Variants in CBL observed in about 807,000 individuals in gnomAD.
CBL encodes the protein Cbl proto-oncogene.
Under a neutral mutation model 96.9 loss-of-function variants are expected in CBL, and 45 were observed. That is an observed-to-expected ratio of 0.46 (90% confidence interval 0.37 to 0.60). The LOEUF (loss-of-function observed/expected upper bound fraction) is 0.60. CBL is among the 20% of genes least tolerant of loss of function. CBL has a pLI of 0.00. For synonymous variants in CBL, 420 were observed against 426.8 expected (o/e 0.98, Z 0.20); for missense variants, 1,024 against 1,143.5 (o/e 0.90, Z 1.51).
In CBL at chr11:119,278,490, A is replaced by G. The variant is rs1438346127; in HGVS notation, c.1228-20A>G. ...AGTATTTTCAGATGCATCTGTTACT[A>G]TCTTTTGCTTCTTCTGCAGGAATCA... On this transcript the variant is annotated intron_variant, in intron 8 of 15. Coordinates refer to ENST00000264033, the MANE Select transcript of CBL (RefSeq NM_005188.4). 8.7e-6 allele frequency: 14 copies of G among 1,606,876 alleles called. No homozygotes were observed. The highest frequency in any genetic ancestry group is 2.2e-5 in the East Asian group (1 of 44,860).
At chr11:119,290,869 G>A (rs1950022147) in intron 12 of CBL, among the ~76,000 whole-genome samples, 1 of 151,602 alleles carries the variant, frequency 6.6e-6, no homozygotes, top group Admixed American at 6.6e-5. Context: ...GTAGTAACAG[G>A]GTTTCACCAT....
intron 1 of CBL, among the ~76,000 whole-genome samples, chr11:119,221,653 G>A (rs1397771355): frequency 6.6e-6 from 1 of 151,498 alleles, no homozygotes; most frequent in Non-Finnish European, 1.5e-5. Flanking sequence ...CTGTAATTTC[G>A]GTTACTTGGG....
intron 5 of CBL, 49 bp downstream of exon 5, chr11:119,275,002 T>G: frequency 6.2e-7 from 1 of 1,601,970 alleles, no homozygotes; most frequent in African/African-American, 1.3e-5. Flanking sequence ...TTCGTTATCT[T>G]GAGACTTCTG....
intron 12 of CBL, among the ~76,000 whole-genome samples, chr11:119,291,955 C>G (rs1565270399): frequency 6.6e-6 from 1 of 152,070 alleles, no homozygotes; most frequent in Non-Finnish European, 1.5e-5. Context: ...CTCCCAGGTT[C>G]AAGCAGTTCT....
chr11:119,224,445 C>G (rs557408480), intron 1 of CBL, among the ~76,000 whole-genome samples: 7 of 152,040 alleles, frequency 4.6e-5, no homozygotes, highest in African/African-American at 1.7e-4. Flanking sequence ...GACTCCCTGC[C>G]AAAAGTTAAC....
At chr11:119,207,854 T>A (rs1949286956) in intron 1 of CBL, among the ~76,000 whole-genome samples, 1 of 152,210 alleles carries the variant, frequency 6.6e-6, no homozygotes, top group Non-Finnish European at 1.5e-5. Context: ...TCTGTAAAGT[T>A]CTTCATGGGT....
intron 9 of CBL, among the ~76,000 whole-genome samples, chr11:119,280,306 A>G (rs1417405870): frequency 6.6e-6 from 1 of 152,196 alleles, no homozygotes; most frequent in African/African-American, 2.4e-5. Context: ...TCACAGTGAT[A>G]ATGGTATTTT....
rs1369884955 is a variant in CBL, at chr11:119,299,726, A to G, written c.2666A>G (p.Lys889Arg). The stretch of plus-strand genomic sequence containing the variant: ...GCCCAGAACAACATCGAGATGGCCA[A>G]AAACATCCTCCGGGAATTTGTTTCC... ...VIAQNNIEMA[K>R]NILREFVSIS... The change falls in exon 16 of 16, where the codon AAA (lysine) becomes AGA (arginine). Residue 889 changes from lysine (K) to arginine (R), a missense_variant. Physicochemically the swap from Lys to Arg is conservative, Grantham distance 26. Coordinates refer to ENST00000264033, the MANE Select transcript of CBL (RefSeq NM_005188.4). 37 of 1,614,126 alleles carry G rather than the reference A, an allele frequency of 2.3e-5. No homozygotes were observed. The highest frequency in any genetic ancestry group is 2.7e-5 in the Non-Finnish European group (32 of 1,180,046).
At chr11:119,219,289 A>C (rs1235165031) in intron 1 of CBL, among the ~76,000 whole-genome samples, 1 of 151,658 alleles carries the variant, frequency 6.6e-6, no homozygotes, top group Non-Finnish European at 1.5e-5. Flanking sequence ...GGCTAAGGAG[A>C]ATTGCTTGAA....
chr11:119,222,131 T>C (rs549911389), intron 1 of CBL, among the ~76,000 whole-genome samples: 1 of 151,740 alleles, frequency 6.6e-6, no homozygotes, highest in South Asian at 2.1e-4. Flanking sequence ...ACATTGAAAA[T>C]GAGAAATGCT....
intron 1 of CBL, among the ~76,000 whole-genome samples, chr11:119,210,615 T>A (rs2135247672): frequency 1.4e-5 from 2 of 147,074 alleles, no homozygotes; most frequent in South Asian, 4.4e-4. Flanking sequence ...TTTTTTTTTT[T>A]TTTTTTTTTT....
At chr11:119,207,593 C>T (rs1949281400) in intron 1 of CBL, among the ~76,000 whole-genome samples, 1 of 152,168 alleles carries the variant, frequency 6.6e-6, no homozygotes, top group African/African-American at 2.4e-5. Flanking sequence ...ATTTTACTTC[C>T]TTATAGTTGT....
intron 2 of CBL, among the ~76,000 whole-genome samples, chr11:119,253,847 C>CAAA (rs1158554539): frequency 2.9e-4 from 43 of 150,064 alleles, no homozygotes; most frequent in East Asian, 7.9e-4. Context: ...AAAACAAAAA[C>CAAA]AAAAACAAAA....
chr11:119,232,819 T>A, intron 2 of CBL, 124 bp downstream of exon 2: 1 of 965,526 alleles, frequency 1.0e-6, no homozygotes, highest in Non-Finnish European at 1.6e-6. Flanking sequence ...ACATTTGATT[T>A]AAAGGTATAG....
At chr11:119,254,995 G>T (rs1222184570) in intron 2 of CBL, among the ~76,000 whole-genome samples, 1 of 152,122 alleles carries the variant, frequency 6.6e-6, no homozygotes, top group African/African-American at 2.4e-5. Context: ...GTAGGAGCAG[G>T]TACACAGTTC....
intron 2 of CBL, among the ~76,000 whole-genome samples, chr11:119,232,998 A>G (rs1949515999): frequency 6.6e-6 from 1 of 152,162 alleles, no homozygotes; most frequent in South Asian, 2.1e-4. Flanking sequence ...AGTTTGGAAG[A>G]AAGAAGACTG....
At chr11:119,255,702 C>T (rs1201561780) in intron 2 of CBL, among the ~76,000 whole-genome samples, 1 of 151,914 alleles carries the variant, frequency 6.6e-6, no homozygotes, top group Non-Finnish European at 1.5e-5. Flanking sequence ...TATTTGTGAA[C>T]AGTTTGTAAA....
Position 119,305,507 on chromosome 11 carries a change from C to T in CBL, c.*5726C>T, listed in dbSNP as rs1198378327. The T allele has an allele frequency of 4.3e-6, 1 of 230,798 alleles. No individual in the cohort carries two copies. The highest frequency in any genetic ancestry group is 6.1e-5 in the East Asian group (1 of 16,300). The allele number at this position is 230,798 out of a possible 1,614,324, so 14.3% of individuals were successfully genotyped here. On this transcript the variant is annotated 3_prime_UTR_variant, in exon 16 of 16. Transcript: ENST00000264033. ...GGCCTGTCTCCTCCACTCTCCTCCT[C>T]ACCCTCTCGCTCCTTCCTGTGTGAG... is the stretch of plus-strand genomic sequence containing the variant.
intron 9 of CBL, among the ~76,000 whole-genome samples, chr11:119,283,597 A>G (rs1423362362): frequency 6.8e-6 from 1 of 146,550 alleles, no homozygotes; most frequent in Non-Finnish European, 1.5e-5. Flanking sequence ...TCAAATTGAC[A>G]GAAAATATTA....
Sources: gnomAD v4.1 joint callset for allele counts (sites outside exome capture counted in the v4.1 genomes callset) on GRCh38, gnomAD v4.1.1 for gene constraint, MANE v1.5 for transcripts, NCBI Gene and HGNC (gene_info 2026-07-23, HGNC 2026-07-21) for gene names.